The following LEKR1 variants were observed in gnomAD, a reference collection of about 807,000 sequenced individuals.
The protein encoded by LEKR1 is protein LEKR1.
In LEKR1, 59 loss-of-function variants were observed where a neutral mutation model predicts 72.4. The ratio of observed to expected loss-of-function variants is 0.82; its 90% CI spans 0.66 to 1.01. The LOEUF is 1.01. Among genes scored for constraint, LEKR1 ranks in the 50% least tolerant of loss-of-function variants. LEKR1 has a pLI of 0.00. For synonymous variants in LEKR1, 257 were observed against 263.2 expected (o/e 0.98, Z 0.23); for missense variants, 728 against 759.2 (o/e 0.96, Z 0.48).
intron 6 of LEKR1, among the ~76,000 whole-genome samples, chr3:156,945,912 A>G (rs908972083): frequency 2.6e-5 from 4 of 151,720 alleles, no homozygotes; most frequent in Non-Finnish European, 5.9e-5. Flanking sequence ...ATTTTTGTTC[A>G]GTATAGCTTT....
intron 5 of LEKR1, among the ~76,000 whole-genome samples, chr3:156,936,222 G>GACC (rs1486748073): frequency 6.6e-6 from 1 of 152,096 alleles, no homozygotes; most frequent in African/African-American, 2.4e-5. Context: ...TTTACAGACT[G>GACC]ACCACCAGGT....
In LEKR1 at chr3:157,045,925, T is replaced by C; in HGVS notation, c.*175T>C. 1.6e-6 allele frequency: 1 copy of C among 610,584 alleles called. No homozygotes were observed. Among genetic ancestry groups the C allele is most frequent in the Non-Finnish European group, 2.8e-6 (1 of 357,454 alleles). The allele number at this position is 610,584 out of a possible 1,614,324, so 37.8% of individuals were successfully genotyped here. The stretch of plus-strand genomic sequence containing the variant: ...AAGCTGGAAAATTGTGAAGCCTTAT[T>C]TTTCAAGAGGGTTTTGATAGAGTAA... On this transcript the variant is annotated 3_prime_UTR_variant, in exon 13 of 13. Coordinates refer to ENST00000356539, the MANE Select transcript of LEKR1 (RefSeq NM_001004316.3).
chr3:156,831,790 G>A (rs1712445263), intron 2 of LEKR1, among the ~76,000 whole-genome samples: 1 of 152,178 alleles, frequency 6.6e-6, no homozygotes, highest in Admixed American at 6.5e-5. Flanking sequence ...AATTGTGAGA[G>A]CTACAATTCA....
chr3:156,846,648 T>C (rs1449929871), intron 2 of LEKR1, among the ~76,000 whole-genome samples: 3 of 152,138 alleles, frequency 2.0e-5, no homozygotes, highest in African/African-American at 7.2e-5. Context: ...ACACTCATTG[T>C]TTTTGAGTAA....
intron 6 of LEKR1, among the ~76,000 whole-genome samples, chr3:156,965,919 T>C (rs940229501): frequency 6.6e-5 from 10 of 152,212 alleles, no homozygotes; most frequent in African/African-American, 2.4e-4. Flanking sequence ...AAATTTTAAA[T>C]GAGATATTAC....
intron 3 of LEKR1, among the ~76,000 whole-genome samples, chr3:156,899,565 CAT>C (rs369432068): frequency 0.037 from 3,823 of 102,046 alleles, 167 homozygotes; most frequent in African/African-American, 0.089. Flanking sequence ...TATACATATA[CAT>C]GTATATATAC....
intron 3 of LEKR1, among the ~76,000 whole-genome samples, chr3:156,904,552 C>T (rs1174208268): frequency 1.3e-5 from 2 of 151,320 alleles, no homozygotes; most frequent in East Asian, 3.9e-4. Context: ...CTTGAACGCT[C>T]GGGCTCAAGC....
chr3:156,927,631 T>TC, intron 5 of LEKR1, 27 bp downstream of exon 5: 1 of 997,926 alleles, frequency 1.0e-6, no homozygotes, highest in South Asian at 1.7e-5. Context: ...TAGAATATAA[T>TC]TGTCCCTTTT....
chr3:157,032,780 T>C (rs1734706635), intron 12 of LEKR1, among the ~76,000 whole-genome samples: 1 of 151,562 alleles, frequency 6.6e-6, no homozygotes, highest in African/African-American at 2.4e-5. Context: ...TTTTATTGCA[T>C]GTCACTTTAT....
At chr3:156,993,775 A>G (rs1731328374) in intron 9 of LEKR1, among the ~76,000 whole-genome samples, 1 of 152,188 alleles carries the variant, frequency 6.6e-6, no homozygotes, top group South Asian at 2.1e-4. Flanking sequence ...TAAGAAGTAC[A>G]TTGGTCCAGG....
intron 3 of LEKR1, among the ~76,000 whole-genome samples, chr3:156,860,351 A>G (rs1716626134): frequency 6.6e-6 from 1 of 152,210 alleles, no homozygotes; most frequent in African/African-American, 2.4e-5. Context: ...TCCTCCGCTT[A>G]TGCCAAATTG....
At chr3:156,898,612 A>G (rs1721440297) in intron 3 of LEKR1, among the ~76,000 whole-genome samples, 1 of 152,134 alleles carries the variant, frequency 6.6e-6, no homozygotes, top group Admixed American at 6.6e-5. Flanking sequence ...TTTTTGTTAC[A>G]GCCACCCGGA....
At chr3:156,939,263 A>G (rs971712425) in intron 5 of LEKR1, among the ~76,000 whole-genome samples, 9 of 152,196 alleles carry the variant, frequency 5.9e-5, no homozygotes, top group African/African-American at 2.2e-4. Flanking sequence ...ACAGACACCT[A>G]CGGACACCAT....
intron 10 of LEKR1, 67 bp downstream of exon 10, chr3:157,011,573 A>C (rs1317157539): frequency 5.6e-6 from 6 of 1,061,978 alleles, no homozygotes; most frequent in Non-Finnish European, 8.7e-6. Flanking sequence ...ACCATTTGTC[A>C]GAAGACTCTT....
Position 157,042,203 on chromosome 3 carries a change from T to C in LEKR1, c.1669-3137T>C, listed in dbSNP as rs373429499. On this transcript the variant is annotated intron_variant, in intron 12 of 12. Transcript: ENST00000356539. Reference sequence around the variant, plus strand: ...TTTGGCACAGAAAAGAATAGAAGTATCAATTTTGGATCCTATTTTCAATTC... The same window carrying C: ...TTTGGCACAGAAAAGAATAGAAGTACCAATTTTGGATCCTATTTTCAATTC... Among the ~76,000 whole-genome samples the C allele has an allele frequency of 2.6e-5, 4 of 152,174 alleles. No homozygotes were observed. The East Asian group carries it at 7.7e-4, about 29-fold the overall frequency.
At chr3:156,953,561 T>C (rs192063221) in intron 6 of LEKR1, among the ~76,000 whole-genome samples, 1 of 151,790 alleles carries the variant, frequency 6.6e-6, no homozygotes, top group East Asian at 1.9e-4. Flanking sequence ...TGTGTCCATA[T>C]GTTCCTATCA....
At chr3:156,844,609 A>G (rs1229409100) in intron 2 of LEKR1, among the ~76,000 whole-genome samples, 2 of 151,966 alleles carry the variant, frequency 1.3e-5, no homozygotes, top group African/African-American at 4.8e-5. Context: ...AAATGGAATC[A>G]TGTAGTGTGT....
intron 7 of LEKR1, among the ~76,000 whole-genome samples, chr3:156,980,301 A>T (rs529544295): frequency 3.8e-4 from 58 of 152,326 alleles, no homozygotes; most frequent in African/African-American, 1.3e-3. Flanking sequence ...ACAAGAAGGA[A>T]CAAATACCAA....
chr3:156,856,388 G>GTGTT, intron 3 of LEKR1, among the ~76,000 whole-genome samples: 1 of 152,270 alleles, frequency 6.6e-6, no homozygotes, highest in South Asian at 2.1e-4. Flanking sequence ...TGTAGGACAA[G>GTGTT]TGTTTGGTTT....
Sources: gnomAD v4.1 joint callset for allele counts (sites outside exome capture counted in the v4.1 genomes callset) on GRCh38, gnomAD v4.1.1 for gene constraint, MANE v1.5 for transcripts, NCBI Gene and HGNC (gene_info 2026-07-23, HGNC 2026-07-21) for gene names.